Variants in GREB1L observed in about 807,000 individuals in gnomAD.
The protein encoded by GREB1L is GREB1 like retinoic acid receptor coactivator, also known as GREB1-like protein.
In GREB1L, 17 loss-of-function variants were observed where a neutral mutation model predicts 200.8. The observed-to-expected ratio is 0.08, with a 90% CI of 0.06 to 0.13. GREB1L has a LOEUF of 0.13. Ranked by LOEUF, GREB1L falls within the 10% of genes least tolerant of loss-of-function variation. The pLI is 1.00. For missense variants in GREB1L, 1,657 were observed against 2,367.7 expected, an observed-to-expected ratio of 0.70 and a Z score of 6.23; for synonymous variants, 789 against 893.0, an observed-to-expected ratio of 0.88 and a Z score of 2.08.
At chr18:21,422,874 T>A (rs1005854766) in intron 7 of GREB1L, among the ~76,000 whole-genome samples, 1 of 152,194 alleles carries the variant, frequency 6.6e-6, no homozygotes, top group Non-Finnish European at 1.5e-5. Flanking sequence ...AGAGGCTCAC[T>A]AATTGAGTTT....
At chr18:21,495,263 C>T (rs1229976204) in intron 19 of GREB1L, among the ~76,000 whole-genome samples, 2 of 152,182 alleles carry the variant, frequency 1.3e-5, no homozygotes, top group Non-Finnish European at 2.9e-5. Flanking sequence ...GAGTCATTCA[C>T]AACTGAAACT....
chr18:21,453,768 G>T (rs1212795294), intron 14 of GREB1L, among the ~76,000 whole-genome samples: 1 of 152,170 alleles, frequency 6.6e-6, no homozygotes, highest in Non-Finnish European at 1.5e-5. Flanking sequence ...CACTGGCAAA[G>T]TGGAGTCCAG....
At chr18:21,446,969 C>T (rs1013805239) in intron 11 of GREB1L, among the ~76,000 whole-genome samples, 3 of 152,160 alleles carry the variant, frequency 2.0e-5, no homozygotes, top group African/African-American at 7.2e-5. Flanking sequence ...TCTATTTAAA[C>T]CTTGACTTTT....
At chr18:21,504,993 A>G (rs577369496) in intron 23 of GREB1L, among the ~76,000 whole-genome samples, 36 of 152,244 alleles carry the variant, frequency 2.4e-4, no homozygotes, top group African/African-American at 8.4e-4. Context: ...GGGAATTTTT[A>G]CCAGCTCCCA....
intron 1 of GREB1L, among the ~76,000 whole-genome samples, chr18:21,301,835 A>T (rs1237666724): frequency 6.6e-6 from 1 of 152,234 alleles, no homozygotes; most frequent in Non-Finnish European, 1.5e-5. Flanking sequence ...GGCCAGTTCT[A>T]ATATGGTACA....
Position 21,496,515 on chromosome 18 carries a change from G to A in GREB1L, c.3208G>A (p.Glu1070Lys). Residue 1070 changes from glutamate to lysine, a missense_variant, in exon 21 of 33, where the codon GAG becomes AAG. Coordinates refer to ENST00000424526, the MANE Select transcript of GREB1L (RefSeq NM_001142966.3). ...AAGCTATTTAACTCGCACGGCCTTG[G>A]AGCAGGAGGTGGGTCTGGCATGCTG... Reference protein sequence around the residue: ...DSSYLTRTALEQEVGLACCYV... With the variant: ...DSSYLTRTALKQEVGLACCYV... The A allele has an allele frequency of 6.4e-7, 1 of 1,551,710 alleles. No homozygotes were observed. Among genetic ancestry groups the A allele is most frequent in the Non-Finnish European group, 8.7e-7 (1 of 1,147,002 alleles).
chr18:21,331,114 T>G (rs1305704537), intron 1 of GREB1L, among the ~76,000 whole-genome samples: 1 of 152,246 alleles, frequency 6.6e-6, no homozygotes, highest in Non-Finnish European at 1.5e-5. Context: ...CTTACTAGTT[T>G]TAGTCAAGTC....
At chr18:21,500,518 C>T (rs1230372129) in intron 22 of GREB1L, 22 bp from the exon 23 acceptor site, 8 of 1,487,448 alleles carry the variant, frequency 5.4e-6, no homozygotes, top group Non-Finnish European at 7.3e-6. Flanking sequence ...CACTCCTCCC[C>T]AATTAAAAAT....
At chr18:21,448,330 A>G (rs1469208468) in intron 11 of GREB1L, among the ~76,000 whole-genome samples, 1 of 152,174 alleles carries the variant, frequency 6.6e-6, no homozygotes, top group African/African-American at 2.4e-5. Context: ...TGTTTTCTCC[A>G]ATTAAAATTG....
intron 1 of GREB1L, among the ~76,000 whole-genome samples, chr18:21,251,437 T>C (rs903504533): frequency 1.3e-5 from 2 of 152,162 alleles, no homozygotes; most frequent in Non-Finnish European, 2.9e-5. Context: ...CAATATCCTA[T>C]AAAAATAATC....
At chr18:21,447,845 C>G (rs2034306954) in intron 11 of GREB1L, among the ~76,000 whole-genome samples, 1 of 151,840 alleles carries the variant, frequency 6.6e-6, no homozygotes, top group South Asian at 2.1e-4. Flanking sequence ...AAAGAGCATC[C>G]CTCCACATTC....
chr18:21,305,078 CG>C (rs2144731197), intron 1 of GREB1L, among the ~76,000 whole-genome samples: 1 of 151,922 alleles, frequency 6.6e-6, no homozygotes, highest in Non-Finnish European at 1.5e-5. Context: ...TGGGTTCAAG[CG>C]ATTCTCCTGC....
At chr18:21,521,463 A>G (rs938716636) in intron 32 of GREB1L, among the ~76,000 whole-genome samples, 1 of 152,104 alleles carries the variant, frequency 6.6e-6, no homozygotes, top group Non-Finnish European at 1.5e-5. Flanking sequence ...ATCAGTGAAG[A>G]AAGTGAGGTT....
intron 15 of GREB1L, among the ~76,000 whole-genome samples, chr18:21,462,617 T>C (rs1387562539): frequency 6.6e-6 from 1 of 152,124 alleles, no homozygotes; most frequent in African/African-American, 2.4e-5. Context: ...ACCCAGCTAA[T>C]TTTTGTATTT....
Position 21,523,039 on chromosome 18 carries a change from T to G in GREB1L, c.*218T>G. ...AGGACCCTTAAATTCAGGTAAACTC[T>G]ATCCTAGGCAGTTATGCAATTACTT... On this transcript the variant is annotated 3_prime_UTR_variant, in exon 33 of 33. Transcript: ENST00000424526. 2 of 455,092 alleles carry G rather than the reference T, an allele frequency of 4.4e-6. No individual in the cohort carries two copies. 28.2% of individuals were successfully genotyped at this position (455,092 alleles called of 1,614,324 possible).
intron 7 of GREB1L, among the ~76,000 whole-genome samples, chr18:21,421,526 A>G (rs2032145522): frequency 6.6e-6 from 1 of 152,204 alleles, no homozygotes; most frequent in South Asian, 2.1e-4. Context: ...AACCCAGGAA[A>G]GAAGCAAATT....
At chr18:21,457,507 T>C (rs2145507406) in intron 15 of GREB1L, among the ~76,000 whole-genome samples, 1 of 152,314 alleles carries the variant, frequency 6.6e-6, no homozygotes, top group South Asian at 2.1e-4. Context: ...CATTCAAGGG[T>C]AACCACTGTT....
intron 1 of GREB1L, among the ~76,000 whole-genome samples, chr18:21,344,448 G>A (rs911013402): frequency 3.7e-5 from 5 of 134,068 alleles, no homozygotes; most frequent in African/African-American, 7.0e-5. Context: ...GCTTGATAGT[G>A]TTAGACATTT....
chr18:21,315,726 G>C (rs540752840), intron 1 of GREB1L, among the ~76,000 whole-genome samples: 2 of 152,162 alleles, frequency 1.3e-5, no homozygotes, highest in South Asian at 4.2e-4. Flanking sequence ...GCTAAAGTAC[G>C]TTTCATCCTT....
Sources: gnomAD v4.1 joint callset for allele counts (sites outside exome capture counted in the v4.1 genomes callset) on GRCh38, gnomAD v4.1.1 for gene constraint, MANE v1.5 for transcripts, NCBI Gene and HGNC (gene_info 2026-07-23, HGNC 2026-07-21) for gene names.